Variants in PC observed in about 807,000 individuals in gnomAD.
The protein encoded by PC is pyruvate carboxylase, mitochondrial.
Under a neutral mutation model 107.8 loss-of-function variants are expected in PC, and 46 were observed. The ratio of observed to expected loss-of-function variants is 0.43; its 90% CI spans 0.34 to 0.55. The LOEUF is 0.55. Ranked by LOEUF, PC falls within the 20% of genes least tolerant of loss-of-function variation. PC has a pLI of 0.04. For synonymous variants in PC, 662 were observed against 684.7 expected, an observed-to-expected ratio of 0.97 and a Z score of 0.52; for missense variants, 1,241 against 1,643.1, an observed-to-expected ratio of 0.76 and a Z score of 4.23.
In PC at chr11:66,858,515, C is replaced by T. The variant is rs200279686; in HGVS notation, c.1369-5132G>A. On this transcript the variant is annotated intron_variant, in intron 12 of 22. Coordinates refer to ENST00000393960, the MANE Select transcript of PC (RefSeq NM_001040716.2). This position sits in a 1 kb window ranked among gnomAD's most constrained non-coding sequence, Gnocchi z 5.9. ...CGCGGCCGGACGACCTGGAAACGTG[C>T]GCCTCCCCGCCCGGCCTGGCCGGCC... 104 of 1,534,906 alleles carry T rather than the reference C, an allele frequency of 6.8e-5. No homozygotes were observed. The highest frequency in any genetic ancestry group is 3.9e-5 in the Admixed American group (2 of 50,914).
At chr11:66,938,098 T>A (rs1481515209) in intron 3 of PC, among the ~76,000 whole-genome samples, 1 of 152,220 alleles carries the variant, frequency 6.6e-6, no homozygotes, top group African/African-American at 2.4e-5. Context: ...TTAAAATAGT[T>A]GATTTAACAT....
At chr11:66,931,200 G>C (rs964521727) in intron 3 of PC, among the ~76,000 whole-genome samples, 1 of 151,886 alleles carries the variant, frequency 6.6e-6, no homozygotes, top group Non-Finnish European at 1.5e-5. Context: ...CCAACATGGT[G>C]AAACTTCGTC....
chr11:66,894,433 TC>T (rs1947676586), intron 3 of PC, among the ~76,000 whole-genome samples: 1 of 152,184 alleles, frequency 6.6e-6, no homozygotes, highest in South Asian at 2.1e-4. Flanking sequence ...CTAATTTTTC[TC>T]CCTCCCTTAT....
At chr11:66,950,302 G>A (rs1294897557) in intron 3 of PC, among the ~76,000 whole-genome samples, 1 of 152,162 alleles carries the variant, frequency 6.6e-6, no homozygotes, top group Non-Finnish European at 1.5e-5. Flanking sequence ...ATCAGGAAAG[G>A]AGCTGCCACA....
chr11:66,870,587 C>A lies in PC; in HGVS notation c.752-134G>T. Reference sequence around the variant, plus strand: ...GGTACAGAGGCTGCCAGGAGAGACACCAGCATCACCAAGGCTGTGAGGACC... The same window carrying A: ...GGTACAGAGGCTGCCAGGAGAGACAACAGCATCACCAAGGCTGTGAGGACC... On this transcript the variant is annotated intron_variant, in intron 8 of 22. Transcript: ENST00000393960. The surrounding 1 kb of genome is among the most constrained non-coding windows in gnomAD (Gnocchi z 6.1). The A allele has an allele frequency of 8.6e-7, 1 of 1,167,326 alleles. No individual in the cohort carries two copies. Among genetic ancestry groups the A allele is most frequent in the Non-Finnish European group, 1.3e-6 (1 of 797,514 alleles). The allele number at this position is 1,167,326 out of a possible 1,614,324, so 72.3% of individuals were successfully genotyped here. A position where few individuals can be genotyped will look rare whatever the true frequency, so the allele number is the denominator to read the frequency against.
At position 66,858,797 on chromosome 11, in the gene PC, C is replaced by T; in HGVS notation, c.1368+4977G>A. The T allele has an allele frequency of 6.5e-7, 1 of 1,549,592 alleles. No homozygotes were observed. The highest frequency in any genetic ancestry group is 8.7e-7 in the Non-Finnish European group (1 of 1,147,462). On this transcript the variant is annotated intron_variant, in intron 12 of 22. Transcript: ENST00000393960. This position sits in a 1 kb window ranked among gnomAD's most constrained non-coding sequence, Gnocchi z 5.9. ...CTGGGGACGCTGGGGGCTACACCTGCATCGCCACCAACCCTGCTGGTGAGG... is the reference window on the plus strand; with the variant it reads ...CTGGGGACGCTGGGGGCTACACCTGTATCGCCACCAACCCTGCTGGTGAGG...
At chr11:66,903,773 A>AT (rs1383896793) in intron 3 of PC, among the ~76,000 whole-genome samples, 1,222 of 62,398 alleles carry the variant, frequency 0.02, 13 homozygotes, top group East Asian at 0.054. Flanking sequence ...AAAAAAAAAA[A>AT]ATATATATAT....
intron 3 of PC, chr11:66,952,212 T>C (rs1444284959): frequency 6.6e-6 from 1 of 152,170 alleles, no homozygotes; most frequent in African/African-American, 2.4e-5. Flanking sequence ...AGCTGCCAAA[T>C]GGGGCCAGCA....
intron 3 of PC, among the ~76,000 whole-genome samples, chr11:66,938,310 T>A (rs767578080): frequency 1.1e-4 from 17 of 152,184 alleles, no homozygotes; most frequent in Non-Finnish European, 2.2e-4. Flanking sequence ...AAAGTTGGTT[T>A]TAATCATTTT....
chr11:66,848,433 A>G lies in PC; in HGVS notation c.*466T>C, dbSNP rs1460451810. ...CTCACTACCCTCTGAGGAGAACGAC[A>G]CAACTGACCTGCCCACCCATGGGGA... On this transcript the variant is annotated 3_prime_UTR_variant, in exon 23 of 23. Coordinates refer to ENST00000393960, the MANE Select transcript of PC (RefSeq NM_001040716.2). The G allele has an allele frequency of 1.9e-6, 1 of 521,778 alleles. No individual in the cohort carries two copies. Among genetic ancestry groups the G allele is most frequent in the East Asian group, 3.0e-5 (1 of 33,474 alleles). 32.3% of individuals were successfully genotyped at this position (521,778 alleles called of 1,614,324 possible).
intron 12 of PC, 83 bp downstream of exon 12, chr11:66,863,691 C>T: frequency 7.0e-7 from 1 of 1,438,032 alleles, no homozygotes; most frequent in Non-Finnish European, 9.5e-7. Flanking sequence ...AAGCCATGTG[C>T]AAGGCCCTTG....
chr11:66,873,521 T>TATAATATTATATATTATATTATATA (rs10676576), intron 3 of PC, among the ~76,000 whole-genome samples: 12 of 85,282 alleles, frequency 1.4e-4, no homozygotes, highest in East Asian at 5.5e-4. Context: ...TATTATATTA[T>TATAATATTATATATTATATTATATA]ATATTATAAT....
At chr11:66,930,507 T>C (rs368247551) in intron 3 of PC, among the ~76,000 whole-genome samples, 38 of 152,200 alleles carry the variant, frequency 2.5e-4, no homozygotes, top group African/African-American at 8.2e-4. Context: ...TTTGGGAGCC[T>C]GAGGCAGGCG....
intron 3 of PC, among the ~76,000 whole-genome samples, chr11:66,880,216 C>T (rs549113549): frequency 4.6e-5 from 7 of 152,256 alleles, no homozygotes; most frequent in East Asian, 3.9e-4. Context: ...TGGGAGAAAC[C>T]GCACTGTAAG....
chr11:66,883,988 T>G (rs1947273064), intron 3 of PC, among the ~76,000 whole-genome samples: 1 of 152,208 alleles, frequency 6.6e-6, no homozygotes, highest in Non-Finnish European at 1.5e-5. Flanking sequence ...CTCACACTTG[T>G]AATCCCAGCA....
At position 66,850,207 on chromosome 11, in the gene PC, G is replaced by C. The variant is rs778646948; in HGVS notation, c.2718+13C>G. Reference sequence around the variant, plus strand: ...AGGGCTGGGTCAGGTAAGGAGCACCGGGCCGGGCTCACCTTGATGAGATCG... The same window carrying C: ...AGGGCTGGGTCAGGTAAGGAGCACCCGGCCGGGCTCACCTTGATGAGATCG... On this transcript the variant is annotated intron_variant, in intron 19 of 22. Transcript: ENST00000393960. 5.6e-6 allele frequency: 9 copies of C among 1,613,706 alleles called. No homozygotes were observed. Among genetic ancestry groups the C allele is most frequent in the African/African-American group, 1.3e-5 (1 of 74,908 alleles).
At chr11:66,943,824 A>C (rs1333163182) in intron 3 of PC, among the ~76,000 whole-genome samples, 3 of 150,394 alleles carry the variant, frequency 2.0e-5, no homozygotes, top group Non-Finnish European at 4.4e-5. Context: ...TTCTACTAAA[A>C]AATGCAAAAA....
intron 2 of PC, among the ~76,000 whole-genome samples, chr11:66,953,772 A>G (rs1052358671): frequency 2.6e-5 from 4 of 152,136 alleles, no homozygotes; most frequent in African/African-American, 9.7e-5. Flanking sequence ...AAGAAGCAAA[A>G]ATGGGATGGC....
At chr11:66,942,016 C>A (rs1190631497) in intron 3 of PC, among the ~76,000 whole-genome samples, 1 of 145,428 alleles carries the variant, frequency 6.9e-6, no homozygotes, top group East Asian at 2.1e-4. Context: ...GCAGGAGAGT[C>A]GCTTGAACTC....
Sources: allele counts gnomAD v4.1 joint callset (sites outside exome capture counted in the v4.1 genomes callset), GRCh38; gene constraint gnomAD v4.1.1; non-coding constraint Gnocchi (gnomAD v3.1); transcripts MANE v1.5; gene names NCBI Gene and HGNC (gene_info 2026-07-23, HGNC 2026-07-21).